The following PGBD1 variants were observed in gnomAD, a reference collection of about 807,000 sequenced individuals.
PGBD1 encodes piggyBac transposable element-derived protein 1.
PGBD1 carries 25 observed loss-of-function variants against 34.7 expected under a neutral mutation model. That is an observed-to-expected ratio of 0.72 (90% CI 0.52 to 1.00). The LOEUF (loss-of-function observed/expected upper bound fraction) is 1.00, where lower values mean the gene tolerates loss of function less well. Ranked by LOEUF, PGBD1 falls within the 50% of genes least tolerant of loss-of-function variation. The pLI, the probability that PGBD1 is intolerant of heterozygous loss-of-function variation, is 0.00. For synonymous variants in PGBD1, 292 were observed against 335.7 expected (o/e 0.87, Z 1.42); for missense variants, 830 against 959.4 (o/e 0.87, Z 1.78).
At position 28,285,542 on chromosome 6, in the gene PGBD1, T is replaced by C. The variant is rs974439726; in HGVS notation, c.397-9T>C. ...GCATGCCCTTTCAAAATAAATCTTT[T>C]GTTTCCAGGCCTCTGTCTATATTCA... On this transcript the variant is annotated splice_polypyrimidine_tract_variant and intron_variant, in intron 2 of 6. Transcript: ENST00000682144. 5 of 1,612,928 alleles carry C rather than the reference T, an allele frequency of 3.1e-6. No homozygotes were observed. Among genetic ancestry groups the C allele is most frequent in the African/African-American group, 2.7e-5 (2 of 74,870 alleles).
At chr6:28,284,481 AT>A (rs1470919185) in intron 2 of PGBD1, among the ~76,000 whole-genome samples, 1 of 150,924 alleles carries the variant, frequency 6.6e-6, no homozygotes, top group Non-Finnish European at 1.5e-5. Flanking sequence ...CATATGCAGT[AT>A]TTTTTTTTCC....
intron 5 of PGBD1, among the ~76,000 whole-genome samples, chr6:28,297,623 G>T (rs1378237796): frequency 2.3e-5 from 3 of 128,992 alleles, no homozygotes; most frequent in African/African-American, 3.3e-5. Flanking sequence ...AAAGCACCCA[G>T]CCTAATTTTC....
intron 4 of PGBD1, among the ~76,000 whole-genome samples, chr6:28,294,595 C>G (rs951037133): frequency 4.6e-5 from 7 of 152,210 alleles, no homozygotes; most frequent in Non-Finnish European, 1.0e-4. Context: ...TCTGAAAATC[C>G]TAGGGTCCAT....
At chr6:28,288,095 A>G (rs141517749) in intron 4 of PGBD1, among the ~76,000 whole-genome samples, 6 of 152,360 alleles carry the variant, frequency 3.9e-5, no homozygotes, top group African/African-American at 1.2e-4. Context: ...CAAGAAAATC[A>G]AAGAGCAATG....
intron 4 of PGBD1, among the ~76,000 whole-genome samples, chr6:28,292,943 C>CT (rs1762507833): frequency 6.6e-6 from 1 of 151,836 alleles, no homozygotes; most frequent in African/African-American, 2.4e-5. Flanking sequence ...CTTTTCTTTT[C>CT]TTTTCTTTTT....
At position 28,283,768 on chromosome 6, in the gene PGBD1, G is replaced by T; in HGVS notation, c.-38-8G>T. ...TCTTATGCCTCAGATCTCTATTTCT[G>T]AATATAGACCCCAAGCTAAGTGAAG... On this transcript the variant is annotated splice_region_variant and splice_polypyrimidine_tract_variant and intron_variant, in intron 1 of 6. Transcript: ENST00000682144. 1 of 1,512,672 alleles carries T rather than the reference G, an allele frequency of 6.6e-7. No homozygotes were observed. Among genetic ancestry groups the T allele is most frequent in the South Asian group, 1.3e-5 (1 of 74,968 alleles). 93.7% of individuals were successfully genotyped at this position (1,512,672 alleles called of 1,614,324 possible).
intron 5 of PGBD1, 50 bp from the exon 6 acceptor site, chr6:28,297,845 T>TTTTTA: frequency 7.1e-6 from 2 of 283,634 alleles, no homozygotes; most frequent in Non-Finnish European, 1.3e-5. Context: ...TTTTTTTTTT[T>TTTTTA]CAAAATTCAC....
intron 3 of PGBD1, among the ~76,000 whole-genome samples, chr6:28,286,685 G>T (rs1762293544): frequency 6.6e-6 from 1 of 151,598 alleles, no homozygotes; most frequent in African/African-American, 2.4e-5. Context: ...CTGCTTTCCT[G>T]TTTCCCCTCA....
rs1762845855 is a variant in PGBD1 at position 28,301,676 on chromosome 6, A to G, written c.1822A>G (p.Met608Val). ...TCTTGGGTTAGGTGGAAATCTAGTG[A>G]TGAACTTCGCTGATGTTCTTTTAGA... Reference protein sequence around the residue: ...PDLGLGGNLVMNFADVLLERG... With the variant: ...PDLGLGGNLVVNFADVLLERG... Residue 608 changes from methionine to valine, a missense_variant, in exon 7 of 7, where the codon ATG becomes GTG. Around this residue, in one of 3 missense-constraint regions of PGBD1, gnomAD observed 372 missense variants for 427.9 expected, o/e 0.87. Transcript: ENST00000682144. 6.2e-7 allele frequency: 1 copy of G among 1,614,182 alleles called. No homozygotes were observed. The highest frequency in any genetic ancestry group is 8.5e-7 in the Non-Finnish European group (1 of 1,180,020).
intron 1 of PGBD1, among the ~76,000 whole-genome samples, chr6:28,283,373 T>C (rs1427199137): frequency 1.3e-5 from 2 of 152,242 alleles, no homozygotes; most frequent in African/African-American, 4.8e-5. Context: ...TTTGGAAACA[T>C]TCTGTTACAC....
chr6:28,299,170 C>T (rs1485828171), intron 6 of PGBD1, among the ~76,000 whole-genome samples: 1 of 152,092 alleles, frequency 6.6e-6, no homozygotes, highest in East Asian at 1.9e-4. Flanking sequence ...GCTATTGTGC[C>T]TGTAGGTACA....
At position 28,287,094 on chromosome 6, in the gene PGBD1, G is replaced by C; in HGVS notation, c.568G>C (p.Gly190Arg). 1 of 1,613,906 alleles carries C rather than the reference G, an allele frequency of 6.2e-7. No individual in the cohort carries two copies. The highest frequency in any genetic ancestry group is 8.5e-7 in the Non-Finnish European group (1 of 1,179,866). Reference sequence around the variant, plus strand: ...TCTCTCTGCAGGGCCTGTTCCCCACGGATCAGCTCATCTCCAGGAAAAAAA... The same window carrying C: ...TCTCTCTGCAGGGCCTGTTCCCCACCGATCAGCTCATCTCCAGGAAAAAAA... ...PQEVSGPVPH[G>R]SAHLQEKNPR... Residue 190 changes from glycine to arginine, a missense_variant, in exon 4 of 7, where the codon GGA (glycine) becomes CGA (arginine). Gly to Arg is a moderately radical substitution (Grantham distance 125). Coordinates refer to ENST00000682144, the MANE Select transcript of PGBD1 (RefSeq NM_032507.4).
At chr6:28,292,662 TTCACAAAAA>T (rs1348694811) in intron 4 of PGBD1, among the ~76,000 whole-genome samples, 2 of 151,840 alleles carry the variant, frequency 1.3e-5, no homozygotes, top group African/African-American at 4.8e-5. Context: ...AATGACATTC[TTCACAAAAA>T]TCAGAAAAAA....
chr6:28,292,863 A>G (rs1424550280), intron 4 of PGBD1, among the ~76,000 whole-genome samples: 2 of 152,232 alleles, frequency 1.3e-5, no homozygotes, highest in African/African-American at 4.8e-5. Flanking sequence ...GCCGAGGAAC[A>G]CCAAGAATTG....
At chr6:28,287,010 TG>T in intron 3 of PGBD1, 69 bp from the exon 4 acceptor site, 1 of 1,156,336 alleles carries the variant, frequency 8.6e-7, no homozygotes, top group Non-Finnish European at 1.3e-6. Flanking sequence ...GGGAAAAGGC[TG>T]GGTCTCCAAA....
At position 28,287,159 on chromosome 6, in the gene PGBD1, C is replaced by A; in HGVS notation, c.633C>A (p.Val211=). Residue 211 remains valine, a synonymous_variant, in exon 4 of 7, where the codon GTC becomes GTA. Coordinates refer to ENST00000682144, the MANE Select transcript of PGBD1 (RefSeq NM_032507.4). ...CTGTAGTGCCTGTGTTTAACCCAGT[C>A]AGGTCCCAGGTAAGTAGGATGCCCA... ...DKAVVPVFNP[V]RSQTLVKTEE... is the part of the protein sequence containing the mutation. The A allele has an allele frequency of 6.2e-7, 1 of 1,612,432 alleles. No individual in the cohort carries two copies. Among genetic ancestry groups the A allele is most frequent in the Non-Finnish European group, 8.5e-7 (1 of 1,178,500 alleles).
At position 28,300,823 on chromosome 6, in the gene PGBD1, G is replaced by A. The variant is rs1762806342; in HGVS notation, c.969G>A (p.Trp323Ter). ...AGGACCGTCACCCAGGTGATTTGTG[G>A]GCCCGCATGCACATCTCATCCCTGG... ...TLKDRHPGDLWARMHISSLEY... is the reference protein window; with the variant it reads ...TLKDRHPGDL The change falls in exon 7 of 7, where the codon TGG becomes TGA. Residue 323 changes from tryptophan to a stop codon, truncating the protein, a stop_gained. Transcript: ENST00000682144. LOFTEE classifies it low-confidence loss of function (END_TRUNC). This position sits in a 1 kb window ranked among gnomAD's most constrained non-coding sequence, Gnocchi z 4.0. 1 of 1,613,986 alleles carries A rather than the reference G, an allele frequency of 6.2e-7. No homozygotes were observed. The highest frequency in any genetic ancestry group is 1.1e-5 in the South Asian group (1 of 91,078).
In PGBD1 at chr6:28,302,254, CT is replaced by C; in HGVS notation, c.2402del (p.Leu801TrpfsTer48). 6.2e-7 allele frequency: 1 copy of C among 1,613,434 alleles called. No individual in the cohort carries two copies. The highest frequency in any genetic ancestry group is 8.5e-7 in the Non-Finnish European group (1 of 1,179,438). On this transcript the variant is annotated frameshift_variant, in exon 7 of 7. Transcript: ENST00000682144. LOFTEE classifies it high-confidence loss of function. ...DFRRFVAHFYLEHNAHLSD is the reference protein window; with the variant it reads ...DFRRFVAHFYXEHNAHLSD ...TTCGGAGATTTGTTGCACATTTCTA[CT>C]TGGAACACAATGCTCATCTGTCAGA...
At chr6:28,297,064 C>T in intron 5 of PGBD1, 119 bp downstream of exon 5, 2 of 1,142,782 alleles carry the variant, frequency 1.8e-6, no homozygotes. Flanking sequence ...TTCCCTTCTT[C>T]TGGCCTCTGC....
Sources: allele counts gnomAD v4.1 joint callset (sites outside exome capture counted in the v4.1 genomes callset), GRCh38; gene constraint gnomAD v4.1.1; regional missense constraint gnomAD v4.1.1; non-coding constraint Gnocchi (gnomAD v3.1); transcripts MANE v1.5; gene names NCBI Gene and HGNC (gene_info 2026-07-23, HGNC 2026-07-21).